The following TMEM117 variants were observed in gnomAD, a reference collection of about 807,000 sequenced individuals.
TMEM117 encodes transmembrane protein 117.
TMEM117 carries 27 observed loss-of-function variants against 52.4 expected under a neutral mutation model. That is an observed-to-expected ratio of 0.51 (90% CI 0.38 to 0.71). TMEM117 has a LOEUF of 0.71. Among genes scored for constraint, TMEM117 ranks in the 30% least tolerant of loss-of-function variants. The probability of loss-of-function intolerance (pLI) is 0.00; values close to 1 mark genes in which losing one functional copy is unlikely to be tolerated. For synonymous variants in TMEM117, 215 were observed against 206.3 expected (o/e 1.04, Z -0.36); for missense variants, 556 against 630.5 (o/e 0.88, Z 1.26).
At chr12:44,341,066 C>T (rs1436029276) in intron 6 of TMEM117, among the ~76,000 whole-genome samples, 1 of 151,994 alleles carries the variant, frequency 6.6e-6, no homozygotes, top group Non-Finnish European at 1.5e-5. Flanking sequence ...GTGGCATGAT[C>T]ACAGCTCTTT....
intron 6 of TMEM117, among the ~76,000 whole-genome samples, chr12:44,329,499 A>G (rs1242922490): frequency 6.6e-6 from 1 of 152,088 alleles, no homozygotes; most frequent in African/African-American, 2.4e-5. Context: ...TCCTGTTGTG[A>G]TAGTGTTGAC....
At chr12:44,380,998 T>G (rs1039845492) in intron 7 of TMEM117, among the ~76,000 whole-genome samples, 10 of 152,164 alleles carry the variant, frequency 6.6e-5, no homozygotes, top group Non-Finnish European at 1.2e-4. Flanking sequence ...AGGATTTGAG[T>G]ATTTTTTTAA....
intron 6 of TMEM117, among the ~76,000 whole-genome samples, chr12:44,369,344 G>A (rs184915823): frequency 1.7e-4 from 26 of 152,228 alleles, no homozygotes; most frequent in African/African-American, 5.3e-4. Context: ...TTAAAAACCC[G>A]CTGCTATCTT....
At chr12:44,285,641 G>T (rs1950629503) in intron 5 of TMEM117, among the ~76,000 whole-genome samples, 1 of 152,178 alleles carries the variant, frequency 6.6e-6, no homozygotes, top group African/African-American at 2.4e-5. Flanking sequence ...CTCATCAGCT[G>T]GGCTTCAGGG....
At chr12:43,941,596 A>G (rs1271204808) in intron 2 of TMEM117, among the ~76,000 whole-genome samples, 1 of 152,180 alleles carries the variant, frequency 6.6e-6, no homozygotes, top group African/African-American at 2.4e-5. Flanking sequence ...CTATGTGTAT[A>G]TGTTTCTAAC....
intron 3 of TMEM117, among the ~76,000 whole-genome samples, chr12:44,075,526 T>A (rs1460165466): frequency 6.6e-6 from 1 of 152,230 alleles, no homozygotes; most frequent in Non-Finnish European, 1.5e-5. Flanking sequence ...TAGCTGATTC[T>A]GTTTCTTAGC....
At chr12:44,359,395 C>A (rs138177261) in intron 6 of TMEM117, among the ~76,000 whole-genome samples, 1 of 151,862 alleles carries the variant, frequency 6.6e-6, no homozygotes, top group African/African-American at 2.4e-5. Flanking sequence ...TACCTTATGT[C>A]TTTTTGTTTT....
chr12:44,085,074 T>G (rs564993617), intron 3 of TMEM117, among the ~76,000 whole-genome samples: 35 of 152,332 alleles, frequency 2.3e-4, no homozygotes, highest in Admixed American at 1.1e-3. Flanking sequence ...GATTTTGTAT[T>G]GTTAGAAATC....
intron 2 of TMEM117, among the ~76,000 whole-genome samples, chr12:43,939,898 T>C (rs1000625101): frequency 2.0e-5 from 3 of 152,120 alleles, no homozygotes; most frequent in African/African-American, 7.2e-5. Flanking sequence ...AGGAGCAAAA[T>C]CACATCTTGC....
At chr12:44,225,930 G>A (rs181640104) in intron 5 of TMEM117, among the ~76,000 whole-genome samples, 1 of 152,110 alleles carries the variant, frequency 6.6e-6, no homozygotes, top group Non-Finnish European at 1.5e-5. Flanking sequence ...ACTTGTAACA[G>A]CCCTGTGAGA....
At chr12:44,256,226 T>A in intron 5 of TMEM117, among the ~76,000 whole-genome samples, 1 of 152,004 alleles carries the variant, frequency 6.6e-6, no homozygotes, top group East Asian at 1.9e-4. Flanking sequence ...ATAAAAATTT[T>A]ATATTTACAC....
intron 6 of TMEM117, among the ~76,000 whole-genome samples, chr12:44,334,385 G>C (rs1555154097): frequency 6.6e-6 from 1 of 152,012 alleles, no homozygotes; most frequent in Admixed American, 6.6e-5. Context: ...GCTAAGCAAA[G>C]CTATGTGACT....
intron 3 of TMEM117, among the ~76,000 whole-genome samples, chr12:43,962,614 A>G (rs1157983671): frequency 6.6e-6 from 1 of 152,118 alleles, no homozygotes; most frequent in African/African-American, 2.4e-5. Flanking sequence ...CTCTCCCTAA[A>G]ATACATATTT....
chr12:44,233,619 C>G (rs372867755), intron 5 of TMEM117, among the ~76,000 whole-genome samples: 17 of 151,266 alleles, frequency 1.1e-4, no homozygotes, highest in African/African-American at 3.6e-4. Flanking sequence ...CCCTGCCTAC[C>G]AAAGCAAAAA....
chr12:44,359,721 G>A (rs1218436474), intron 6 of TMEM117, among the ~76,000 whole-genome samples: 1 of 151,928 alleles, frequency 6.6e-6, no homozygotes, highest in African/African-American at 2.4e-5. Flanking sequence ...ATATGGATAT[G>A]TAAGTACATT....
chr12:44,234,339 C>T (rs574875642), intron 5 of TMEM117, among the ~76,000 whole-genome samples: 2 of 150,970 alleles, frequency 1.3e-5, no homozygotes, highest in Non-Finnish European at 3.0e-5. Context: ...TGAATTATAC[C>T]TTTTTCAGCA....
intron 4 of TMEM117, among the ~76,000 whole-genome samples, chr12:44,145,554 A>G (rs75950241): frequency 0.026 from 3,913 of 152,338 alleles, 67 homozygotes; most frequent in Middle Eastern, 0.037. Context: ...TAAGGTAGAC[A>G]TAAGTGCTTC....
intron 3 of TMEM117, among the ~76,000 whole-genome samples, chr12:44,132,416 T>C (rs756703030): frequency 6.6e-6 from 1 of 152,046 alleles, no homozygotes; most frequent in South Asian, 2.1e-4. Context: ...TCAGGGAAGA[T>C]ACCTGGTGGC....
Position 44,388,853 on chromosome 12 carries a change from C to G in TMEM117, c.*181C>G. Reference sequence around the variant, plus strand: ...TGTTTTCTATTTGTATTATAATACACGTGCCTACTGTATACTCAACAGTCC... The same window carrying G: ...TGTTTTCTATTTGTATTATAATACAGGTGCCTACTGTATACTCAACAGTCC... On this transcript the variant is annotated 3_prime_UTR_variant, in exon 8 of 8. Coordinates refer to ENST00000266534, the MANE Select transcript of TMEM117 (RefSeq NM_032256.3). 1 of 677,224 alleles carries G rather than the reference C, an allele frequency of 1.5e-6. No individual in the cohort carries two copies. The highest frequency in any genetic ancestry group is 2.8e-5 in the East Asian group (1 of 35,876). The allele number at this position is 677,224 out of a possible 1,614,324, so 42.0% of individuals were successfully genotyped here.
Sources: allele counts gnomAD v4.1 joint callset (sites outside exome capture counted in the v4.1 genomes callset), GRCh38; gene constraint gnomAD v4.1.1; transcripts MANE v1.5; gene names NCBI Gene and HGNC (gene_info 2026-07-23, HGNC 2026-07-21).